AIG1: variants seen among roughly 807,000 people sequenced by gnomAD.
AIG1 encodes the protein androgen-induced gene 1 protein.
A neutral mutation model predicts 31.4 loss-of-function variants in AIG1; 23 were observed. The observed-to-expected ratio is 0.73, with a 90% confidence interval of 0.53 to 1.04. The LOEUF (loss-of-function observed/expected upper bound fraction) is 1.04, where lower values mean the gene tolerates loss of function less well. Among genes scored for constraint, AIG1 ranks in the 50% least tolerant of loss-of-function variants. The pLI, the probability that AIG1 is intolerant of heterozygous loss-of-function variation, is 0.00. For synonymous variants in AIG1, 100 were observed against 110.5 expected, an observed-to-expected ratio of 0.90 and a Z score of 0.60; for missense variants, 274 against 295.0, an observed-to-expected ratio of 0.93 and a Z score of 0.52.
rs1274265169 is a variant in AIG1 at position 143,258,358 on chromosome 6, A to G, written c.400-25752A>G. 6.6e-6 allele frequency among the ~76,000 whole-genome samples: 1 copy of G among 150,450 alleles called. No individual in the cohort carries two copies. Among genetic ancestry groups the G allele is most frequent in the Non-Finnish European group, 1.5e-5 (1 of 67,712 alleles). ...TCACCAGCATATTATAATTCAAATCATCAGTAGAATTGTTTGTACTGATTC... is the reference window on the plus strand; with the variant it reads ...TCACCAGCATATTATAATTCAAATCGTCAGTAGAATTGTTTGTACTGATTC... On this transcript the variant is annotated intron_variant, in intron 3 of 5. Transcript: ENST00000357847. The surrounding 1 kb of genome is among the most constrained non-coding windows in gnomAD (Gnocchi z 4.7).
At chr6:143,099,150 C>T (rs1780038592) in intron 1 of AIG1, among the ~76,000 whole-genome samples, 1 of 152,106 alleles carries the variant, frequency 6.6e-6, no homozygotes, top group African/African-American at 2.4e-5. Flanking sequence ...TAATATTTTT[C>T]GATTCCACCA....
chr6:143,073,110 G>T (rs906572065), intron 1 of AIG1, among the ~76,000 whole-genome samples: 3 of 151,928 alleles, frequency 2.0e-5, no homozygotes, highest in African/African-American at 7.3e-5. Context: ...TGGATTTCAC[G>T]TATAAATGAG....
At chr6:143,211,552 T>C (rs1041497893) in intron 3 of AIG1, among the ~76,000 whole-genome samples, 2 of 152,124 alleles carry the variant, frequency 1.3e-5, no homozygotes, top group Non-Finnish European at 2.9e-5. Flanking sequence ...ATGTGAACAT[T>C]AGGTTAAGTG....
chr6:143,262,339 C>T (rs1440884384), intron 3 of AIG1, among the ~76,000 whole-genome samples: 1 of 152,124 alleles, frequency 6.6e-6, no homozygotes, highest in African/African-American at 2.4e-5. Flanking sequence ...AGGCTCCATC[C>T]GCAAGTAAGT....
At chr6:143,134,438 A>G (rs1783549627) in intron 1 of AIG1, among the ~76,000 whole-genome samples, 1 of 146,638 alleles carries the variant, frequency 6.8e-6, no homozygotes, top group African/African-American at 2.5e-5. Context: ...TTGTGAAAAT[A>G]AAATGTTTAT....
chr6:143,259,946 G>A (rs1288134044), intron 3 of AIG1, among the ~76,000 whole-genome samples: 1 of 151,888 alleles, frequency 6.6e-6, no homozygotes, highest in Non-Finnish European at 1.5e-5. Flanking sequence ...AAATTCTGTA[G>A]CGTATGTGGC....
intron 4 of AIG1, among the ~76,000 whole-genome samples, chr6:143,290,902 G>A (rs894970821): frequency 6.6e-6 from 1 of 152,092 alleles, no homozygotes; most frequent in Admixed American, 6.5e-5. Flanking sequence ...TATCACCAAG[G>A]CCATCCATGC....
chr6:143,234,337 C>A (rs1793661211), intron 3 of AIG1, among the ~76,000 whole-genome samples: 1 of 152,178 alleles, frequency 6.6e-6, no homozygotes, highest in African/African-American at 2.4e-5. Flanking sequence ...AAAATTGCAA[C>A]AATGAGATTG....
chr6:143,170,392 C>G (rs1787378969), intron 3 of AIG1, among the ~76,000 whole-genome samples: 1 of 152,034 alleles, frequency 6.6e-6, no homozygotes, highest in African/African-American at 2.4e-5. Flanking sequence ...TCATAATAAT[C>G]TGTTATGATC....
At chr6:143,145,246 A>G (rs540385345) in intron 2 of AIG1, among the ~76,000 whole-genome samples, 1 of 152,256 alleles carries the variant, frequency 6.6e-6, no homozygotes, top group East Asian at 1.9e-4. Flanking sequence ...GCTGGTCTCA[A>G]ACTCCTGAGC....
intron 1 of AIG1, among the ~76,000 whole-genome samples, chr6:143,102,394 G>C (rs1011407947): frequency 2.0e-5 from 3 of 149,014 alleles, no homozygotes; most frequent in Non-Finnish European, 4.5e-5. Flanking sequence ...CAGCCGGAAG[G>C]GAAGGACTTA....
chr6:143,304,277 T>A (rs1799074674), intron 4 of AIG1, among the ~76,000 whole-genome samples: 1 of 150,508 alleles, frequency 6.6e-6, no homozygotes, highest in African/African-American at 2.4e-5. Flanking sequence ...ATAGGAGTGG[T>A]GAGAGAGGGC....
intron 3 of AIG1, chr6:143,190,508 TC>T: frequency 8.1e-6 from 8 of 985,184 alleles, no homozygotes; most frequent in Non-Finnish European, 9.6e-6. Context: ...TAAGTTATGT[TC>T]AGAATTTCAT....
intron 3 of AIG1, among the ~76,000 whole-genome samples, chr6:143,175,531 G>C (rs1261177651): frequency 6.6e-6 from 1 of 152,022 alleles, no homozygotes; most frequent in East Asian, 1.9e-4. Flanking sequence ...TCTTTGTTGA[G>C]TTGGGTTTAT....
At chr6:143,076,694 A>C (rs1777758544) in intron 1 of AIG1, among the ~76,000 whole-genome samples, 1 of 135,770 alleles carries the variant, frequency 7.4e-6, no homozygotes, top group Admixed American at 7.6e-5. Context: ...TTTTTTTGAG[A>C]TGGAGTCTTG....
chr6:143,169,787 C>G (rs1015654434), intron 3 of AIG1, among the ~76,000 whole-genome samples: 1 of 151,920 alleles, frequency 6.6e-6, no homozygotes, highest in South Asian at 2.1e-4. Flanking sequence ...CCATCTATAC[C>G]TAATTTGTTG....
At chr6:143,227,776 G>T (rs939092669) in intron 3 of AIG1, among the ~76,000 whole-genome samples, 1 of 152,088 alleles carries the variant, frequency 6.6e-6, no homozygotes, top group Non-Finnish European at 1.5e-5. Flanking sequence ...CTACTATCAG[G>T]GTGCACATGC....
intron 3 of AIG1, among the ~76,000 whole-genome samples, chr6:143,236,289 G>A (rs1344250241): frequency 1.3e-5 from 2 of 152,226 alleles, no homozygotes; most frequent in Non-Finnish European, 2.9e-5. Flanking sequence ...GCCCAGCGGG[G>A]CAGGGCCTCT....
chr6:143,120,983 C>T (rs1260857541), intron 1 of AIG1, among the ~76,000 whole-genome samples: 4 of 152,256 alleles, frequency 2.6e-5, no homozygotes, highest in African/African-American at 9.6e-5. Flanking sequence ...GCAATCTGTG[C>T]CTTAAGGACA....
Sources: allele counts gnomAD v4.1 joint callset (sites outside exome capture counted in the v4.1 genomes callset), GRCh38; gene constraint gnomAD v4.1.1; non-coding constraint Gnocchi (gnomAD v3.1); transcripts MANE v1.5; gene names NCBI Gene and HGNC (gene_info 2026-07-23, HGNC 2026-07-21).